Variants in RCN2 observed in about 807,000 individuals in gnomAD.
RCN2 encodes reticulocalbin 2.
RCN2 carries 23 observed loss-of-function variants against 37.5 expected under a neutral mutation model. That is an observed-to-expected ratio of 0.61 (90% CI 0.44 to 0.87). The LOEUF is 0.87. Among genes scored for constraint, RCN2 ranks in the 40% least tolerant of loss-of-function variants. RCN2 has a pLI of 0.00. For missense variants in RCN2, 381 were observed against 390.4 expected, an observed-to-expected ratio of 0.98 and a Z score of 0.20; for synonymous variants, 140 against 144.6, an observed-to-expected ratio of 0.97 and a Z score of 0.23.
intron 3 of RCN2, chr15:76,941,396 A>G: frequency 3.1e-6 from 1 of 324,162 alleles, no homozygotes; most frequent in Non-Finnish European, 5.6e-6. Context: ...ATGCCTAGTC[A>G]TTTGTTCTAG....
Position 76,935,634 on chromosome 15 carries a change from A to T in RCN2, c.359A>T (p.Asp120Val), listed in dbSNP as rs1023087628. The T allele has an allele frequency of 1.2e-6, 2 of 1,613,732 alleles. No individual in the cohort carries two copies. Among genetic ancestry groups the T allele is most frequent in the Non-Finnish European group, 8.5e-7 (1 of 1,179,706 alleles). The change falls in exon 3 of 7, where the codon GAT becomes GTT. Residue 120 changes from aspartate to valine, a missense_variant. By Grantham distance (152) the Asp-to-Val change is radical. Transcript: ENST00000394885. ...AACAGTGATGATACTGTGACTTGGGATGAATATAACATTCAGATGTATGAT... is the reference window on the plus strand; with the variant it reads ...AACAGTGATGATACTGTGACTTGGGTTGAATATAACATTCAGATGTATGAT... Reference protein sequence around the residue: ...DKNSDDTVTWDEYNIQMYDRV... With the variant: ...DKNSDDTVTWVEYNIQMYDRV...
chr15:76,945,923 A>T (rs1344297258), intron 4 of RCN2, among the ~76,000 whole-genome samples: 5 of 152,208 alleles, frequency 3.3e-5, no homozygotes, highest in Non-Finnish European at 5.9e-5. Context: ...TAAGTTGGGA[A>T]AAGCTAATTG....
intron 5 of RCN2, 185 bp downstream of exon 5, chr15:76,947,702 C>G: frequency 2.0e-6 from 1 of 499,698 alleles, no homozygotes; most frequent in Non-Finnish European, 3.5e-6. Flanking sequence ...AGAACGCTGT[C>G]TTGCTTACTT....
chr15:76,940,546 CTT>C (rs11463370), intron 3 of RCN2, among the ~76,000 whole-genome samples: 16 of 119,630 alleles, frequency 1.3e-4, no homozygotes, highest in East Asian at 4.7e-4. Context: ...TGAACTTCAC[CTT>C]TTTTTTTTTT....
At chr15:76,935,331 A>T (rs1051839732) in intron 2 of RCN2, among the ~76,000 whole-genome samples, 195 bp from the exon 3 acceptor site, 1 of 152,224 alleles carries the variant, frequency 6.6e-6, no homozygotes, top group Non-Finnish European at 1.5e-5. Flanking sequence ...TCTCAAAAAA[A>T]AATAATTAAA....
At chr15:76,933,215 C>T (rs1323937285) in intron 2 of RCN2, among the ~76,000 whole-genome samples, 5 of 152,316 alleles carry the variant, frequency 3.3e-5, no homozygotes, top group African/African-American at 4.8e-5. Flanking sequence ...TCCCTGTCAG[C>T]GTTCCAAGTG....
chr15:76,952,286 A>C lies in RCN2; in HGVS notation c.*3064A>C, dbSNP rs1157204350. On this transcript the variant is annotated 3_prime_UTR_variant, in exon 7 of 7. Transcript: ENST00000394885. ...ACATGCTCTGGGTTTGGACAAATGTATAATTACATATTCCCACCATTGTAG... is the reference window on the plus strand; with the variant it reads ...ACATGCTCTGGGTTTGGACAAATGTCTAATTACATATTCCCACCATTGTAG... 6.6e-6 allele frequency: 1 copy of C among 152,206 alleles called. No individual in the cohort carries two copies. Among genetic ancestry groups the C allele is most frequent in the Non-Finnish European group, 1.5e-5 (1 of 68,040 alleles). The allele number at this position is 152,206 out of a possible 1,614,324, so 9.4% of individuals were successfully genotyped here.
chr15:76,936,870 C>T (rs939247290), intron 3 of RCN2, among the ~76,000 whole-genome samples: 4 of 152,092 alleles, frequency 2.6e-5, no homozygotes, highest in Admixed American at 2.0e-4. Flanking sequence ...TGGTGTTGTG[C>T]AACCAATCTC....
At chr15:76,936,633 G>A (rs138433743) in intron 3 of RCN2, among the ~76,000 whole-genome samples, 77 of 152,228 alleles carry the variant, frequency 5.1e-4, no homozygotes, top group African/African-American at 1.8e-3. Context: ...ACCAATACCC[G>A]TCCGCGACCT....
intron 4 of RCN2, among the ~76,000 whole-genome samples, chr15:76,946,049 G>A (rs1458289436): frequency 6.6e-6 from 1 of 152,234 alleles, no homozygotes; most frequent in Non-Finnish European, 1.5e-5. Flanking sequence ...TAGGCATAAT[G>A]TGATACGGCC....
In RCN2 at chr15:76,951,215, G is replaced by C. The variant is rs2075319283; in HGVS notation, c.*1993G>C. On this transcript the variant is annotated 3_prime_UTR_variant, in exon 7 of 7. Coordinates refer to ENST00000394885, the MANE Select transcript of RCN2 (RefSeq NM_002902.3). ...GTACTACTTTCCTTCCTAGCATAAAGAAAACTACACTTCCCAGCCCTCTTG... is the reference window on the plus strand; with the variant it reads ...GTACTACTTTCCTTCCTAGCATAAACAAAACTACACTTCCCAGCCCTCTTG... The C allele has an allele frequency of 6.6e-6, 1 of 152,230 alleles. No individual in the cohort carries two copies. The highest frequency in any genetic ancestry group is 1.5e-5 in the Non-Finnish European group (1 of 68,048). 9.4% of individuals were successfully genotyped at this position (152,230 alleles called of 1,614,324 possible).
At chr15:76,935,324 C>CAA in intron 2 of RCN2, among the ~76,000 whole-genome samples, 1 of 151,258 alleles carries the variant, frequency 6.6e-6, no homozygotes, top group African/African-American at 2.4e-5. Context: ...GACTCCATCT[C>CAA]AAAAAAAAAT....
chr15:76,937,879 A>G (rs752273256), intron 3 of RCN2, among the ~76,000 whole-genome samples: 4 of 152,206 alleles, frequency 2.6e-5, no homozygotes, highest in Non-Finnish European at 5.9e-5. Context: ...AAGTATATCA[A>G]CAGAAATGAC....
At chr15:76,940,592 A>G (rs1416040580) in intron 3 of RCN2, among the ~76,000 whole-genome samples, 2 of 127,484 alleles carry the variant, frequency 1.6e-5, no homozygotes, top group Admixed American at 1.0e-4. Context: ...TCTGTCACCC[A>G]GGCTGGAGTG....
intron 3 of RCN2, 51 bp downstream of exon 3, chr15:76,935,773 C>A: frequency 7.0e-7 from 1 of 1,420,256 alleles, no homozygotes; most frequent in Admixed American, 1.9e-5. Context: ...GTTCACTTTA[C>A]CTTCCTGCAT....
chr15:76,944,112 C>T (rs1251925083), intron 4 of RCN2, among the ~76,000 whole-genome samples: 1 of 151,170 alleles, frequency 6.6e-6, no homozygotes, highest in African/African-American at 2.4e-5. Context: ...CCTGCCTCAG[C>T]CTCTCTGAGT....
chr15:76,934,352 G>C (rs1596001791), intron 2 of RCN2, among the ~76,000 whole-genome samples: 1 of 151,964 alleles, frequency 6.6e-6, no homozygotes, highest in African/African-American at 2.4e-5. Flanking sequence ...CCCGAGACCA[G>C]GCTGGTCTCG....
chr15:76,945,185 G>A (rs867024442), intron 4 of RCN2, among the ~76,000 whole-genome samples: 2 of 152,184 alleles, frequency 1.3e-5, no homozygotes, highest in African/African-American at 4.8e-5. Context: ...TTAAATCTCT[G>A]TACTATGTAT....
chr15:76,941,938 A>G (rs2075278101), intron 3 of RCN2: 2 of 315,834 alleles, frequency 6.3e-6, no homozygotes. Flanking sequence ...TTCAAAAAGA[A>G]CTTGATTGAC....
Sources: allele counts gnomAD v4.1 joint callset (sites outside exome capture counted in the v4.1 genomes callset), GRCh38; gene constraint gnomAD v4.1.1; transcripts MANE v1.5; gene names NCBI Gene and HGNC (gene_info 2026-07-23, HGNC 2026-07-21).